The following SIX1 variants were observed in gnomAD, a reference collection of about 807,000 sequenced individuals.
The protein encoded by SIX1 is SIX homeobox 1.
SIX1 carries 11 observed loss-of-function variants against 26.5 expected under a neutral mutation model. The observed-to-expected ratio is 0.41, with a 90% CI of 0.26 to 0.69. The LOEUF (loss-of-function observed/expected upper bound fraction) is 0.69. SIX1 is among the 30% of genes least tolerant of loss of function. The probability of loss-of-function intolerance (pLI) is 0.28; values close to 1 mark genes in which losing one functional copy is unlikely to be tolerated. For missense variants in SIX1, 333 were observed against 365.9 expected (o/e 0.91, Z 0.73); for synonymous variants, 177 against 166.2 (o/e 1.06, Z -0.50).
chr14:60,648,567 G>A lies in SIX1; in HGVS notation c.560+63C>T, dbSNP rs1200401891. The A allele has an allele frequency of 1.3e-6, 2 of 1,498,516 alleles. No homozygotes were observed. Among genetic ancestry groups the A allele is most frequent in the East Asian group, 2.5e-5 (1 of 40,664 alleles). 92.8% of individuals were successfully genotyped at this position (1,498,516 alleles called of 1,614,324 possible). A position where few individuals can be genotyped will look rare whatever the true frequency, so the allele number is the denominator to read the frequency against. On this transcript the variant is annotated intron_variant, in intron 1 of 1. Transcript: ENST00000645694. This position sits in a 1 kb window ranked among gnomAD's most constrained non-coding sequence, Gnocchi z 7.9. ...GTGGCTGGTGCCTGCGGGGGCGGGA[G>A]GGGGCGGAGGAGAAAGGACGGCTTC...
In SIX1 at chr14:60,649,376, G is replaced by A. The variant is rs1273715151; in HGVS notation, c.-187C>T. 1.5e-5 allele frequency: 9 copies of A among 599,908 alleles called. No homozygotes were observed. Among genetic ancestry groups the A allele is most frequent in the Non-Finnish European group, 2.7e-5 (9 of 339,200 alleles). The allele number at this position is 599,908 out of a possible 1,614,324, so 37.2% of individuals were successfully genotyped here. A position where few individuals can be genotyped will look rare whatever the true frequency, so the allele number is the denominator to read the frequency against. On this transcript the variant is annotated 5_prime_UTR_variant, in exon 1 of 2. Transcript: ENST00000645694. This position sits in a 1 kb window ranked among gnomAD's most constrained non-coding sequence, Gnocchi z 5.1. Reference sequence around the variant, plus strand: ...CAAGGAAGAGAAGGCGGAGGAGTAGGGGAGGTTCTGGACACGGAACGGCCG... The same window carrying A: ...CAAGGAAGAGAAGGCGGAGGAGTAGAGGAGGTTCTGGACACGGAACGGCCG...
In SIX1 at chr14:60,644,578, T is replaced by G. The variant is rs1259307694; in HGVS notation, c.*1705A>C. On this transcript the variant is annotated 3_prime_UTR_variant, in exon 2 of 2. Coordinates refer to ENST00000645694, the MANE Select transcript of SIX1 (RefSeq NM_005982.4). Reference sequence around the variant, plus strand: ...GAAATAGGAAAGAGTAAGAAAGAAATAATATATTAATGGTGACAATTATAG... The same window carrying G: ...GAAATAGGAAAGAGTAAGAAAGAAAGAATATATTAATGGTGACAATTATAG... 6.6e-6 allele frequency: 1 copy of G among 152,106 alleles called. No individual in the cohort carries two copies. The highest frequency in any genetic ancestry group is 1.5e-5 in the Non-Finnish European group (1 of 68,018). 9.4% of individuals were successfully genotyped at this position (152,106 alleles called of 1,614,324 possible).
chr14:60,648,259 C>A lies in SIX1; in HGVS notation c.560+371G>T, dbSNP rs758928995. Among the ~76,000 whole-genome samples, 10 of 152,118 alleles carry A rather than the reference C, an allele frequency of 6.6e-5. No individual in the cohort carries two copies. The highest frequency in any genetic ancestry group is 8.8e-5 in the Non-Finnish European group (6 of 68,030). On this transcript the variant is annotated intron_variant, in intron 1 of 1. Transcript: ENST00000645694. The surrounding 1 kb of genome is among the most constrained non-coding windows in gnomAD (Gnocchi z 7.9). Reference sequence around the variant, plus strand: ...TCGCGAACCTCAGCTCCCACCAAACCCCTTTCCTTGCGACACCAATCAACA... The same window carrying A: ...TCGCGAACCTCAGCTCCCACCAAACACCTTTCCTTGCGACACCAATCAACA...
In SIX1 at chr14:60,646,088, AGAG is replaced by A; in HGVS notation, c.*192_*194del. 3 of 556,760 alleles carry A rather than the reference AGAG, an allele frequency of 5.4e-6. No homozygotes were observed. Among genetic ancestry groups the A allele is most frequent in the Non-Finnish European group, 9.4e-6 (3 of 318,580 alleles). The allele number at this position is 556,760 out of a possible 1,614,324, so 34.5% of individuals were successfully genotyped here. ...GCAAAAGTGGAAAGAGTTGGAGAGA[AGAG>A]GAGATTAAGCTTGAGATCGCTGTTG... On this transcript the variant is annotated 3_prime_UTR_variant, in exon 2 of 2. Transcript: ENST00000645694.
Position 60,648,987 on chromosome 14 carries a change from T to A in SIX1, c.203A>T (p.Lys68Met), listed in dbSNP as rs1293880867. ...FHRGNFRELY[K>M]ILESHQFSPH... is the part of the protein sequence containing the mutation. ...CGAGAACTGGTGGCTCTCCAGGATCTTGTAGAGCTCACGGAAGTTGCCGCG... is the reference window on the plus strand; with the variant it reads ...CGAGAACTGGTGGCTCTCCAGGATCATGTAGAGCTCACGGAAGTTGCCGCG... Residue 68 changes from lysine (K) to methionine (M), a missense_variant, in exon 1 of 2, where the codon AAG becomes ATG. By Grantham distance (95) the Lys-to-Met change is moderately conservative (BLOSUM62 -1). Coordinates refer to ENST00000645694, the MANE Select transcript of SIX1 (RefSeq NM_005982.4). The surrounding 1 kb of genome is among the most constrained non-coding windows in gnomAD (Gnocchi z 7.9). The A allele has an allele frequency of 6.2e-7, 1 of 1,614,026 alleles. No individual in the cohort carries two copies. Among genetic ancestry groups the A allele is most frequent in the Non-Finnish European group, 8.5e-7 (1 of 1,180,018 alleles).
rs368157931 is a variant in SIX1, at chr14:60,648,719, C to G, written c.471G>C (p.Leu157=). Residue 157 remains leucine (L), a synonymous_variant, in exon 1 of 2, where the codon CTG becomes CTC. Coordinates refer to ENST00000645694, the MANE Select transcript of SIX1 (RefSeq NM_005982.4). The surrounding 1 kb of genome is among the most constrained non-coding windows in gnomAD (Gnocchi z 7.9). The stretch of plus-strand genomic sequence containing the variant: ...TGGTGGTGAGGCCGGTGGCCTCGGC[C>G]AGCTCCCGCTTCTCACGCGGCGATG... The part of the protein sequence containing the change: ...PYPSPREKRE[L]AEATGLTTTQ... 6.2e-7 allele frequency: 1 copy of G among 1,613,566 alleles called. No homozygotes were observed. The highest frequency in any genetic ancestry group is 1.3e-5 in the African/African-American group (1 of 74,938).
At chr14:60,646,607 T>TAAA (rs34899649) in intron 1 of SIX1, 30 bp from the exon 2 acceptor site, 312 of 831,148 alleles carry the variant, frequency 3.8e-4, no homozygotes, top group African/African-American at 1.3e-3. Flanking sequence ...ACCATATGGT[T>TAAA]AAAAAAAAAA....
In SIX1 at chr14:60,646,394, G is replaced by A; in HGVS notation, c.744C>T (p.Leu248=). The A allele has an allele frequency of 6.2e-7, 1 of 1,614,068 alleles. No homozygotes were observed. The highest frequency in any genetic ancestry group is 2.2e-5 in the East Asian group (1 of 44,854). Residue 248 remains leucine, a synonymous_variant, in exon 2 of 2, where the codon CTC becomes CTT. Coordinates refer to ENST00000645694, the MANE Select transcript of SIX1 (RefSeq NM_005982.4). ...MGHARSSNYS[L]PGLTASQPSH... ...TGGGCTGCGAGGCTGTTAAGCCCGG[G>A]AGAGAATAGTTTGAGCTCCTGGCGT...
chr14:60,649,426 TTGC>T lies in SIX1; in HGVS notation c.-240_-238del. On this transcript the variant is annotated 5_prime_UTR_variant, in exon 1 of 2. Transcript: ENST00000645694. The surrounding 1 kb of genome is among the most constrained non-coding windows in gnomAD (Gnocchi z 5.1). Reference sequence around the variant, plus strand: ...GGCGCACTCAGTAGCCTTTAAGGCCTTGCTGCCTCCGACCTCCCGCCCGGTGGA... The same window carrying T: ...GGCGCACTCAGTAGCCTTTAAGGCCTTGCCTCCGACCTCCCGCCCGGTGGA... 2 of 473,232 alleles carry T rather than the reference TTGC, an allele frequency of 4.2e-6. No individual in the cohort carries two copies. Among genetic ancestry groups the T allele is most frequent in the Non-Finnish European group, 7.5e-6 (2 of 267,960 alleles). 29.3% of individuals were successfully genotyped at this position (473,232 alleles called of 1,614,324 possible). A position where few individuals can be genotyped will look rare whatever the true frequency, so the allele number is the denominator to read the frequency against.
At position 60,647,547 on chromosome 14, in the gene SIX1, C is replaced by G. The variant is rs986099581; in HGVS notation, c.561-970G>C. 1.3e-5 allele frequency among the ~76,000 whole-genome samples: 2 copies of G among 152,244 alleles called. No individual in the cohort carries two copies. Among genetic ancestry groups the G allele is most frequent in the African/African-American group, 2.4e-5 (1 of 41,462 alleles). ...CGCCTGTCTGTCTCCTTTCTTTCCC[C>G]TTATCCTCACAGTCTCTGTCTCCCG... On this transcript the variant is annotated intron_variant, in intron 1 of 1. Transcript: ENST00000645694. The surrounding 1 kb of genome is among the most constrained non-coding windows in gnomAD (Gnocchi z 5.1).
rs1049391881 is a variant in SIX1 at position 60,645,684 on chromosome 14, C to T, written c.*599G>A. ...AATACTGGTCTTTTATTTTAATCTA[C>T]ATTAAATTGTTTAACACTAAATATG... On this transcript the variant is annotated 3_prime_UTR_variant, in exon 2 of 2. Transcript: ENST00000645694. The surrounding 1 kb of genome is among the most constrained non-coding windows in gnomAD (Gnocchi z 4.6). The T allele has an allele frequency of 9.9e-5, 15 of 152,260 alleles. No individual in the cohort carries two copies. The highest frequency in any genetic ancestry group is 2.4e-4 in the African/African-American group (10 of 41,550). The allele number at this position is 152,260 out of a possible 1,614,324, so 9.4% of individuals were successfully genotyped here. A position where few individuals can be genotyped will look rare whatever the true frequency, so the allele number is the denominator to read the frequency against.
At position 60,643,986 on chromosome 14, in the gene SIX1, G is replaced by A. The variant is rs1894899592; in HGVS notation, c.*2297C>T. ...ACTAAGGGAGCAGGAAGTGGGCCGG[G>A]GCGCCCTGCGAGACACAACTTCCAC... On this transcript the variant is annotated 3_prime_UTR_variant, in exon 2 of 2. Coordinates refer to ENST00000645694, the MANE Select transcript of SIX1 (RefSeq NM_005982.4). 1 of 152,190 alleles carries A rather than the reference G, an allele frequency of 6.6e-6. No individual in the cohort carries two copies. The highest frequency in any genetic ancestry group is 1.5e-5 in the Non-Finnish European group (1 of 68,056). 9.4% of individuals were successfully genotyped at this position (152,190 alleles called of 1,614,324 possible).
Position 60,649,197 on chromosome 14 carries a change from G to C in SIX1, c.-8C>G. On this transcript the variant is annotated 5_prime_UTR_variant, in exon 1 of 2. Coordinates refer to ENST00000645694, the MANE Select transcript of SIX1 (RefSeq NM_005982.4). The surrounding 1 kb of genome is among the most constrained non-coding windows in gnomAD (Gnocchi z 5.1). ...CGACGGCAGCATCGACATGGCTGGG[G>C]CCTGCCGGGGCGCACGGCCCAGGCG... The C allele has an allele frequency of 1.9e-6, 3 of 1,604,094 alleles. No homozygotes were observed. Among genetic ancestry groups the C allele is most frequent in the Non-Finnish European group, 2.5e-6 (3 of 1,179,448 alleles).
In SIX1 at chr14:60,648,558, G is replaced by C; in HGVS notation, c.560+72C>G. The C allele has an allele frequency of 6.8e-7, 1 of 1,461,400 alleles. No individual in the cohort carries two copies. Among genetic ancestry groups the C allele is most frequent in the Non-Finnish European group, 9.3e-7 (1 of 1,071,572 alleles). 90.5% of individuals were successfully genotyped at this position (1,461,400 alleles called of 1,614,324 possible). On this transcript the variant is annotated intron_variant, in intron 1 of 1. Coordinates refer to ENST00000645694, the MANE Select transcript of SIX1 (RefSeq NM_005982.4). The surrounding 1 kb of genome is among the most constrained non-coding windows in gnomAD (Gnocchi z 7.9). ...GAGGACTTGGTGGCTGGTGCCTGCG[G>C]GGGCGGGAGGGGGCGGAGGAGAAAG...
chr14:60,646,595 A>C lies in SIX1; in HGVS notation c.561-18T>G, dbSNP rs751965808. 1.1e-5 allele frequency: 17 copies of C among 1,551,984 alleles called. No homozygotes were observed. Among genetic ancestry groups the C allele is most frequent in the East Asian group, 6.7e-5 (3 of 44,460 alleles). ...TGTTCTCCCTAAGAAATAGAGGACA[A>C]CACCATATGGTTAAAAAAAAAAAAA... On this transcript the variant is annotated intron_variant, in intron 1 of 1. Coordinates refer to ENST00000645694, the MANE Select transcript of SIX1 (RefSeq NM_005982.4).
chr14:60,648,828 ATG>A lies in SIX1; in HGVS notation c.360_361del (p.Ile121LeufsTer32). 1 of 1,614,170 alleles carries A rather than the reference ATG, an allele frequency of 6.2e-7. No homozygotes were observed. On this transcript the variant is annotated frameshift_variant, in exon 1 of 2. Transcript: ENST00000645694. LOFTEE classifies it high-confidence loss of function. This position sits in a 1 kb window ranked among gnomAD's most constrained non-coding sequence, Gnocchi z 7.9. The stretch of plus-strand genomic sequence containing the variant: ...GTAGCTGGTCTCCTCGCCGTCCCAG[ATG>A]GTGCGCGGCAGTGGAAATTTTCGGC...
intron 1 of SIX1, 86 bp from the exon 2 acceptor site, chr14:60,646,663 G>C: frequency 1.2e-5 from 15 of 1,209,624 alleles, no homozygotes; most frequent in Non-Finnish European, 1.7e-5. Flanking sequence ...GATGGAGGGA[G>C]GGGAGCTGGA....
Position 60,648,522 on chromosome 14 carries a change from C to T in SIX1, c.560+108G>A. On this transcript the variant is annotated intron_variant, in intron 1 of 1. Coordinates refer to ENST00000645694, the MANE Select transcript of SIX1 (RefSeq NM_005982.4). This position sits in a 1 kb window ranked among gnomAD's most constrained non-coding sequence, Gnocchi z 7.9. Reference sequence around the variant, plus strand: ...TGCGCGCCGCCCCGTGGACGGGCTCCGGCCGGCGGGGAGGACTTGGTGGCT... The same window carrying T: ...TGCGCGCCGCCCCGTGGACGGGCTCTGGCCGGCGGGGAGGACTTGGTGGCT... The T allele has an allele frequency of 2.6e-6, 3 of 1,159,630 alleles. No homozygotes were observed. Among genetic ancestry groups the T allele is most frequent in the Non-Finnish European group, 3.7e-6 (3 of 811,938 alleles). 71.8% of individuals were successfully genotyped at this position (1,159,630 alleles called of 1,614,324 possible). A position where few individuals can be genotyped will look rare whatever the true frequency, so the allele number is the denominator to read the frequency against.
In SIX1 at chr14:60,648,965, G is replaced by A. The variant is rs1291757623; in HGVS notation, c.225C>T (p.Phe75=). The change falls in exon 1 of 2, where the codon TTC becomes TTT. Residue 75 remains phenylalanine, a synonymous_variant. Transcript: ENST00000645694. The surrounding 1 kb of genome is among the most constrained non-coding windows in gnomAD (Gnocchi z 7.9). ...ELYKILESHQ[F]SPHNHPKLQQ... Reference sequence around the variant, plus strand: ...GCAGTTTGGGGTGGTTGTGAGGCGAGAACTGGTGGCTCTCCAGGATCTTGT... The same window carrying A: ...GCAGTTTGGGGTGGTTGTGAGGCGAAAACTGGTGGCTCTCCAGGATCTTGT... 6.8e-6 allele frequency: 11 copies of A among 1,614,096 alleles called. No individual in the cohort carries two copies. Among genetic ancestry groups the A allele is most frequent in the Non-Finnish European group, 9.3e-6 (11 of 1,180,034 alleles).
Sources: allele counts gnomAD v4.1 joint callset (sites outside exome capture counted in the v4.1 genomes callset), GRCh38; gene constraint gnomAD v4.1.1; non-coding constraint Gnocchi (gnomAD v3.1); transcripts MANE v1.5; gene names NCBI Gene and HGNC (gene_info 2026-07-23, HGNC 2026-07-21).